CD74: variants seen among roughly 807,000 people sequenced by gnomAD.
CD74 encodes the protein CD74 molecule.
Under a neutral mutation model 37.1 loss-of-function variants are expected in CD74, and 20 were observed. That is an observed-to-expected ratio of 0.54 (90% CI 0.38 to 0.78). CD74 has a LOEUF of 0.78. Ranked by LOEUF, CD74 falls within the 30% of genes least tolerant of loss-of-function variation. The probability of loss-of-function intolerance (pLI) is 0.00; values close to 1 mark genes in which losing one functional copy is unlikely to be tolerated. For synonymous variants in CD74, 150 were observed against 152.0 expected (o/e 0.99, Z 0.10); for missense variants, 338 against 389.5 (o/e 0.87, Z 1.11).
chr5:150,412,814 C>CT lies in CD74; in HGVS notation c.-66_-65insA. 1 of 1,602,812 alleles carries CT rather than the reference C, an allele frequency of 6.2e-7. No individual in the cohort carries two copies. The highest frequency in any genetic ancestry group is 1.1e-5 in the South Asian group (1 of 90,418). On this transcript the variant is annotated 5_prime_UTR_variant, in exon 1 of 9. Coordinates refer to ENST00000009530, the MANE Select transcript of CD74 (RefSeq NM_001025159.3). ...GCTGGAGAGGAATCTGATTCGTCCA[C>CT]AGAAGGCCACTCCGCCCACTTGGTA...
rs1194659050 is a variant in CD74 at position 150,406,950 on chromosome 5, A to G, written c.309T>C (p.Pro103=). Residue 103 remains proline, a synonymous_variant, in exon 3 of 9, where the codon CCT becomes CCC. Transcript: ENST00000009530. ...LRMKLPKPPK[P]VSKMRMATPL... is the part of the protein sequence containing the mutation. ...GGGTGGCCATGCGCATCTTGCTCACAGGCTTGGGAGCTGTGGGGACAGGAA... is the reference window on the plus strand; with the variant it reads ...GGGTGGCCATGCGCATCTTGCTCACGGGCTTGGGAGCTGTGGGGACAGGAA... 3.2e-6 allele frequency: 5 copies of G among 1,563,520 alleles called. No homozygotes were observed. The highest frequency in any genetic ancestry group is 4.3e-6 in the Non-Finnish European group (5 of 1,161,820).
In CD74 at chr5:150,407,879, C is replaced by T. The variant is rs536816384; in HGVS notation, c.126-555G>A. 1.0e-3 allele frequency among the ~76,000 whole-genome samples: 157 copies of T among 152,226 alleles called. 1 individual carries two copies. The highest frequency in any genetic ancestry group is 6.8e-3 in the Middle Eastern group (2 of 294). ...TGCCATTCTCCTTCCTCAGCCTCTC[C>T]GAGTAGCTGGGACTACAGGCACCCG... On this transcript the variant is annotated intron_variant, in intron 1 of 8. Coordinates refer to ENST00000009530, the MANE Select transcript of CD74 (RefSeq NM_001025159.3). This position sits in a 1 kb window ranked among gnomAD's most constrained non-coding sequence, Gnocchi z 4.4.
rs200673075 is a variant in CD74 at position 150,407,152 on chromosome 5, G to A, written c.298C>T (p.Pro100Ser). The A allele has an allele frequency of 3.7e-6, 6 of 1,613,472 alleles. No individual in the cohort carries two copies. Among genetic ancestry groups the A allele is most frequent in the Middle Eastern group, 1.7e-4 (1 of 6,054 alleles). The change falls in exon 2 of 9, where the codon CCT becomes TCT. Residue 100 changes from proline to serine, a missense_variant and splice_region_variant. Coordinates refer to ENST00000009530, the MANE Select transcript of CD74 (RefSeq NM_001025159.3). The surrounding 1 kb of genome is among the most constrained non-coding windows in gnomAD (Gnocchi z 4.4). ...LENLRMKLPKPPKPVSKMRMA... is the reference protein window; with the variant it reads ...LENLRMKLPKSPKPVSKMRMA... ...TATCAGGATGTAGGGGTGCACGCACGCTTGGGAAGCTTCATGCGCAGGTTC... is the reference window on the plus strand; with the variant it reads ...TATCAGGATGTAGGGGTGCACGCACACTTGGGAAGCTTCATGCGCAGGTTC...
In CD74 at chr5:150,401,966, A is replaced by C; in HGVS notation, c.*274T>G. On this transcript the variant is annotated 3_prime_UTR_variant, in exon 9 of 9. Coordinates refer to ENST00000009530, the MANE Select transcript of CD74 (RefSeq NM_001025159.3). ...GAGCCTTGTGTTGGAGGCTGCTGTG[A>C]TGTCAGGAACGGGGATCTGTCTAGC... The C allele has an allele frequency of 1.7e-6, 2 of 1,209,800 alleles. No homozygotes were observed. The highest frequency in any genetic ancestry group is 2.4e-6 in the Non-Finnish European group (2 of 848,876). The allele number at this position is 1,209,800 out of a possible 1,614,324, so 74.9% of individuals were successfully genotyped here.
Position 150,409,708 on chromosome 5 carries a change from A to C in CD74, c.126-2384T>G, listed in dbSNP as rs1004534490. Among the ~76,000 whole-genome samples the C allele has an allele frequency of 4.1e-4, 61 of 149,496 alleles. No individual in the cohort carries two copies. The South Asian group carries it at 4.7e-3, about 12-fold the overall frequency. On this transcript the variant is annotated intron_variant, in intron 1 of 8. Coordinates refer to ENST00000009530, the MANE Select transcript of CD74 (RefSeq NM_001025159.3). ...ACTCTGTCTCAAAAAACATAACAAAAAAAAAAAAAAAAAACAAGAAAGCCC... is the reference window on the plus strand; with the variant it reads ...ACTCTGTCTCAAAAAACATAACAAACAAAAAAAAAAAAAACAAGAAAGCCC...
Position 150,403,870 on chromosome 5 carries a change from A to G in CD74, c.626-558T>C, listed in dbSNP as rs542646662. On this transcript the variant is annotated intron_variant, in intron 6 of 8. Transcript: ENST00000009530. This position sits in a 1 kb window ranked among gnomAD's most constrained non-coding sequence, Gnocchi z 4.5. ...CCAGACTCTATCTCAAAAACAAACA[A>G]TCAAACAAAAAAACACCATTACAGT... Among the ~76,000 whole-genome samples, 3 of 152,256 alleles carry G rather than the reference A, an allele frequency of 2.0e-5. No homozygotes were observed. In the East Asian group the frequency reaches 5.8e-4, roughly 29 times the overall value.
intron 5 of CD74, 142 bp downstream of exon 5, chr5:150,404,943 A>C (rs1485712331): frequency 1.1e-6 from 1 of 882,216 alleles, no homozygotes; most frequent in Non-Finnish European, 1.8e-6. Flanking sequence ...CATACTCTGC[A>C]GCATCCAGGT....
chr5:150,411,683 G>A (rs2151186258), intron 1 of CD74, among the ~76,000 whole-genome samples: 1 of 152,280 alleles, frequency 6.6e-6, no homozygotes, highest in African/African-American at 2.4e-5. Flanking sequence ...GCAAGGGAGA[G>A]GGGCACAGGC....
intron 4 of CD74, chr5:150,405,579 A>T (rs1769907937): frequency 4.0e-6 from 1 of 252,324 alleles, no homozygotes; most frequent in Non-Finnish European, 6.4e-6. Context: ...TCACCTGGTC[A>T]CTTGTCTGTC....
intron 1 of CD74, among the ~76,000 whole-genome samples, chr5:150,412,112 A>T (rs1770374463): frequency 6.6e-6 from 1 of 152,152 alleles, no homozygotes; most frequent in Non-Finnish European, 1.5e-5. Flanking sequence ...TTACAGGTGT[A>T]CACCACCACA....
At chr5:150,406,990 GC>G in intron 2 of CD74, 30 bp from the exon 3 acceptor site, 1 of 1,558,400 alleles carries the variant, frequency 6.4e-7, no homozygotes, top group South Asian at 1.2e-5. Context: ...GGTAAGTGTG[GC>G]CCCGGTGCCC....
intron 6 of CD74, chr5:150,404,409 TGAGA>T (rs1769823284): frequency 6.5e-6 from 3 of 458,038 alleles, no homozygotes; most frequent in Non-Finnish European, 1.2e-5. Flanking sequence ...CCATCCTCTA[TGAGA>T]GAGGTCACCT....
intron 1 of CD74, among the ~76,000 whole-genome samples, chr5:150,408,101 T>C (rs1157467773): frequency 2.0e-5 from 3 of 152,108 alleles, no homozygotes; most frequent in African/African-American, 4.8e-5. Context: ...TTTTTTTTAA[T>C]TGACAAAACC....
At chr5:150,405,332 G>A in intron 4 of CD74, 152 bp from the exon 5 acceptor site, 1 of 1,370,700 alleles carries the variant, frequency 7.3e-7, no homozygotes, top group Admixed American at 3.5e-5. Flanking sequence ...ATGATGGGAG[G>A]GGAGGGGAGG....
intron 6 of CD74, 90 bp downstream of exon 6, chr5:150,404,589 CA>C: frequency 1.4e-6 from 1 of 707,586 alleles, no homozygotes; most frequent in Non-Finnish European, 2.5e-6. Flanking sequence ...GTGCTGGGAC[CA>C]GGGAGTGCTG....
Position 150,407,079 on chromosome 5 carries a change from G to A in CD74, c.298+73C>T. On this transcript the variant is annotated intron_variant, in intron 2 of 8. Coordinates refer to ENST00000009530, the MANE Select transcript of CD74 (RefSeq NM_001025159.3). The surrounding 1 kb of genome is among the most constrained non-coding windows in gnomAD (Gnocchi z 4.4). ...GGGAGAGGACAGTGGGCCCAGCTGG[G>A]TGCAGGGATGCGGGTCTCTGAGTTG... 6.4e-7 allele frequency: 1 copy of A among 1,557,904 alleles called. No individual in the cohort carries two copies. Among genetic ancestry groups the A allele is most frequent in the Non-Finnish European group, 8.8e-7 (1 of 1,134,194 alleles).
Position 150,407,375 on chromosome 5 carries a change from C to T in CD74, c.126-51G>A. The stretch of plus-strand genomic sequence containing the variant: ...AGAGGAGGATCCACAGTGGTGGCTG[C>T]CCCAAGGGCTGGCTAGGAATGGGGA... On this transcript the variant is annotated intron_variant, in intron 1 of 8. Transcript: ENST00000009530. The surrounding 1 kb of genome is among the most constrained non-coding windows in gnomAD (Gnocchi z 4.4). 4.7e-6 allele frequency: 7 copies of T among 1,503,536 alleles called. No homozygotes were observed. Among genetic ancestry groups the T allele is most frequent in the Non-Finnish European group, 6.3e-6 (7 of 1,105,606 alleles). The allele number at this position is 1,503,536 out of a possible 1,614,324, so 93.1% of individuals were successfully genotyped here.
Position 150,402,064 on chromosome 5 carries a change from T to G in CD74, c.*176A>C. 1 of 1,539,230 alleles carries G rather than the reference T, an allele frequency of 6.5e-7. No homozygotes were observed. On this transcript the variant is annotated 3_prime_UTR_variant, in exon 9 of 9. Coordinates refer to ENST00000009530, the MANE Select transcript of CD74 (RefSeq NM_001025159.3). The surrounding 1 kb of genome is among the most constrained non-coding windows in gnomAD (Gnocchi z 4.2). ...TGGGCAGCAGGGCCTTGCTGCATTG[T>G]TATCTGCTGTTCCGACTTGGTTTGT... is the stretch of plus-strand genomic sequence containing the variant.
At chr5:150,409,768 T>TTTTG (rs113697647) in intron 1 of CD74, among the ~76,000 whole-genome samples, 68,379 of 147,184 alleles carry the variant, frequency 0.46, 16,322 homozygotes, top group African/African-American at 0.54. Flanking sequence ...TCTGGGTGTT[T>TTTTG]TTTGTTTGTT....
Sources: allele counts gnomAD v4.1 joint callset (sites outside exome capture counted in the v4.1 genomes callset), GRCh38; gene constraint gnomAD v4.1.1; non-coding constraint Gnocchi (gnomAD v3.1); transcripts MANE v1.5; gene names NCBI Gene and HGNC (gene_info 2026-07-23, HGNC 2026-07-21).